The following ASTN2 variants were observed in gnomAD, a reference collection of about 807,000 sequenced individuals.
ASTN2 encodes astrotactin 2.
ASTN2 carries 54 observed loss-of-function variants against 139.8 expected under a neutral mutation model. The ratio of observed to expected loss-of-function variants is 0.39; its 90% CI spans 0.31 to 0.48. ASTN2 has a LOEUF of 0.48. ASTN2 is among the 20% of genes least tolerant of loss of function. The pLI is 0.95. For missense variants in ASTN2, 1,565 were observed against 1,725.1 expected, an observed-to-expected ratio of 0.91 and a Z score of 1.64; for synonymous variants, 756 against 719.5, an observed-to-expected ratio of 1.05 and a Z score of -0.81.
intron 3 of ASTN2, among the ~76,000 whole-genome samples, chr9:117,200,273 G>A (rs1181872602): frequency 6.8e-6 from 1 of 146,946 alleles, no homozygotes; most frequent in Non-Finnish European, 1.5e-5. Context: ...GATGTTCGAT[G>A]GGGTTTTCTA....
At chr9:117,321,701 G>C (rs1828330169) in intron 1 of ASTN2, among the ~76,000 whole-genome samples, 1 of 152,134 alleles carries the variant, frequency 6.6e-6, no homozygotes, top group Admixed American at 6.5e-5. Flanking sequence ...TTCTCTGCCA[G>C]GCCAGGTTCT....
rs373826189 is a variant in ASTN2 at position 116,554,454 on chromosome 9, T to G, written c.3355+63870A>C. ...AATCATTCTATTGTGTTACATGGTA[T>G]TTACGAAAGTGTGGAACACATCAGA... is the stretch of plus-strand genomic sequence containing the variant. On this transcript the variant is annotated intron_variant, in intron 19 of 22. Transcript: ENST00000313400. Among the ~76,000 whole-genome samples the G allele has an allele frequency of 6.6e-5, 10 of 152,324 alleles. No individual in the cohort carries two copies. In the East Asian group the frequency reaches 1.9e-3, roughly 29 times the overall value.
chr9:117,382,371 C>T (rs1000640046), intron 1 of ASTN2, among the ~76,000 whole-genome samples: 2 of 152,196 alleles, frequency 1.3e-5, no homozygotes, highest in African/African-American at 4.8e-5. Flanking sequence ...ATTTATTTTG[C>T]ACCTAATATG....
intron 13 of ASTN2, among the ~76,000 whole-genome samples, chr9:116,750,770 A>T (rs911064829): frequency 2.6e-5 from 4 of 152,176 alleles, no homozygotes; most frequent in Admixed American, 2.0e-4. Context: ...TGTGGACATT[A>T]GCCAGTTTGC....
intron 17 of ASTN2, among the ~76,000 whole-genome samples, chr9:116,626,946 A>G (rs1188419870): frequency 7.9e-5 from 12 of 152,214 alleles, no homozygotes; most frequent in Non-Finnish European, 1.5e-4. Context: ...ATATCTCCTC[A>G]TAATTGCTGC....
At chr9:116,902,516 A>T (rs1834038733) in intron 10 of ASTN2, among the ~76,000 whole-genome samples, 1 of 152,146 alleles carries the variant, frequency 6.6e-6, no homozygotes. Flanking sequence ...ACAATTGCCT[A>T]CAGTATTCAG....
At chr9:117,121,216 T>C (rs1829550425) in intron 4 of ASTN2, among the ~76,000 whole-genome samples, 1 of 152,190 alleles carries the variant, frequency 6.6e-6, no homozygotes, top group African/African-American at 2.4e-5. Context: ...TCACAGAGTA[T>C]CACATTGGTC....
chr9:117,047,058 C>T (rs1838768667), intron 5 of ASTN2, among the ~76,000 whole-genome samples: 1 of 152,210 alleles, frequency 6.6e-6, no homozygotes, highest in Non-Finnish European at 1.5e-5. Flanking sequence ...GCCTCATTAA[C>T]CTCACTGAGT....
chr9:117,328,704 C>T (rs1828601544), intron 1 of ASTN2, among the ~76,000 whole-genome samples: 1 of 152,192 alleles, frequency 6.6e-6, no homozygotes, highest in African/African-American at 2.4e-5. Context: ...CAGGGTCACT[C>T]AGCCAGGCTA....
At chr9:116,468,699 C>T (rs1473547226) in intron 20 of ASTN2, among the ~76,000 whole-genome samples, 1 of 152,172 alleles carries the variant, frequency 6.6e-6, no homozygotes, top group Non-Finnish European at 1.5e-5. Flanking sequence ...CTGACAATGT[C>T]AACTGAGCAG....
At chr9:116,804,746 T>C (rs1442348436) in intron 13 of ASTN2, among the ~76,000 whole-genome samples, 1 of 152,194 alleles carries the variant, frequency 6.6e-6, no homozygotes, top group Non-Finnish European at 1.5e-5. Flanking sequence ...TTCTGACTTT[T>C]ATTGATATGA....
intron 10 of ASTN2, among the ~76,000 whole-genome samples, chr9:116,887,348 G>C (rs867850078): frequency 1.3e-5 from 2 of 152,078 alleles, no homozygotes; most frequent in South Asian, 4.2e-4. Context: ...GGAGATGCCT[G>C]GGGAGAAGGG....
intron 6 of ASTN2, among the ~76,000 whole-genome samples, chr9:117,011,011 C>A (rs1837513677): frequency 6.6e-6 from 1 of 152,154 alleles, no homozygotes; most frequent in African/African-American, 2.4e-5. Context: ...ACATTTCTGG[C>A]AGCTGGGGAA....
At chr9:116,845,076 C>T (rs576223425) in intron 11 of ASTN2, among the ~76,000 whole-genome samples, 6 of 152,282 alleles carry the variant, frequency 3.9e-5, no homozygotes, top group East Asian at 1.9e-4. Context: ...AACATGGGGG[C>T]GTTTGACTCC....
At chr9:117,272,611 C>T (rs145138474) in intron 2 of ASTN2, among the ~76,000 whole-genome samples, 427 of 152,320 alleles carry the variant, frequency 2.8e-3, no homozygotes, top group African/African-American at 9.2e-3. Context: ...GCACCCAAGT[C>T]GCCACTTGAA....
In ASTN2 at chr9:116,670,394, G is replaced by A. The variant is rs570348252; in HGVS notation, c.2807-18601C>T. Among the ~76,000 whole-genome samples the A allele has an allele frequency of 5.3e-5, 8 of 152,046 alleles. No homozygotes were observed. The South Asian group carries it at 1.0e-3, about 20-fold the overall frequency. ...CTGGTCAAGTATGACTGAGTGGCTG[G>A]GCCAGGGGATCACAGCCTCCCCAAG... On this transcript the variant is annotated intron_variant, in intron 16 of 22. Transcript: ENST00000313400.
chr9:116,880,217 A>G (rs991514735), intron 10 of ASTN2, among the ~76,000 whole-genome samples: 1 of 152,226 alleles, frequency 6.6e-6, no homozygotes, highest in Non-Finnish European at 1.5e-5. Flanking sequence ...ATAGAAAGAA[A>G]TGTTAAATTT....
At chr9:116,889,002 T>A (rs1038606072) in intron 10 of ASTN2, among the ~76,000 whole-genome samples, 1 of 152,184 alleles carries the variant, frequency 6.6e-6, no homozygotes, top group African/African-American at 2.4e-5. Flanking sequence ...TCCAGCTCCA[T>A]CCACGTCCCT....
chr9:116,468,692 A>C (rs1564297652), intron 20 of ASTN2, among the ~76,000 whole-genome samples: 1 of 152,226 alleles, frequency 6.6e-6, no homozygotes, highest in African/African-American at 2.4e-5. Flanking sequence ...AGCAAATCTG[A>C]CAATGTCAAC....
Sources: gnomAD v4.1 joint callset for allele counts (sites outside exome capture counted in the v4.1 genomes callset) on GRCh38, gnomAD v4.1.1 for gene constraint, MANE v1.5 for transcripts, NCBI Gene and HGNC (gene_info 2026-07-23, HGNC 2026-07-21) for gene names.